The following RHPN2 variants were observed in gnomAD, a reference collection of about 807,000 sequenced individuals.
RHPN2 encodes the protein rhophilin-2.
RHPN2 carries 40 observed loss-of-function variants against 79.0 expected under a neutral mutation model. That is an observed-to-expected ratio of 0.51 (90% CI 0.39 to 0.66). RHPN2 has a LOEUF of 0.66. Ranked by LOEUF, RHPN2 falls within the 30% of genes least tolerant of loss-of-function variation. The pLI, the probability that RHPN2 is intolerant of heterozygous loss-of-function variation, is 0.00. For synonymous variants in RHPN2, 285 were observed against 363.5 expected (o/e 0.78, Z 2.46); for missense variants, 686 against 883.5 (o/e 0.78, Z 2.83).
At chr19:32,989,397 C>T (rs115781185) in intron 14 of RHPN2, among the ~76,000 whole-genome samples, 307 of 152,206 alleles carry the variant, frequency 2.0e-3, no homozygotes, top group African/African-American at 7.0e-3. Flanking sequence ...GCATGAGCAC[C>T]GTGCCTGGCC....
chr19:33,052,931 C>T (rs540836058), intron 1 of RHPN2, among the ~76,000 whole-genome samples: 7 of 152,220 alleles, frequency 4.6e-5, no homozygotes, highest in Non-Finnish European at 7.4e-5. Flanking sequence ...TCTATAAACC[C>T]CTACTGTGTG....
chr19:33,003,658 T>C (rs1203939051), intron 7 of RHPN2, among the ~76,000 whole-genome samples: 3 of 152,120 alleles, frequency 2.0e-5, no homozygotes, highest in African/African-American at 7.2e-5. Context: ...TAAAAAGGAA[T>C]GAAATTCTGA....
intron 1 of RHPN2, among the ~76,000 whole-genome samples, chr19:33,064,151 C>A (rs970141271): frequency 6.6e-6 from 1 of 151,910 alleles, no homozygotes; most frequent in African/African-American, 2.4e-5. Context: ...CGCGACCAGT[C>A]TGGGCAACAC....
chr19:33,037,429 G>T (rs550728811), intron 2 of RHPN2, among the ~76,000 whole-genome samples: 2 of 152,332 alleles, frequency 1.3e-5, no homozygotes, highest in African/African-American at 4.8e-5. Context: ...TGAGCCAGCA[G>T]TAGCAACCTG....
intron 7 of RHPN2, among the ~76,000 whole-genome samples, chr19:33,005,899 T>C (rs1490737107): frequency 1.3e-5 from 2 of 152,142 alleles, no homozygotes; most frequent in East Asian, 3.8e-4. Context: ...TTTTAATTAA[T>C]TAATTATTTT....
rs189312502 is a variant in RHPN2, at chr19:33,060,304, C to T, written c.69+4480G>A. Among the ~76,000 whole-genome samples the T allele has an allele frequency of 5.9e-3, 895 of 152,204 alleles. 7 individuals carry two copies. The highest frequency in any genetic ancestry group is 0.014 in the Middle Eastern group (4 of 294). On this transcript the variant is annotated intron_variant, in intron 1 of 14. Coordinates refer to ENST00000254260, the MANE Select transcript of RHPN2 (RefSeq NM_033103.5). Reference sequence around the variant, plus strand: ...GGGACCATAGCTGGGTGCCACCACACCTGGCTAATAGGCAGGCATTTTGGA... The same window carrying T: ...GGGACCATAGCTGGGTGCCACCACATCTGGCTAATAGGCAGGCATTTTGGA...
intron 10 of RHPN2, among the ~76,000 whole-genome samples, chr19:32,997,472 T>C (rs866832467): frequency 6.5e-5 from 9 of 138,102 alleles, no homozygotes; most frequent in Non-Finnish European, 9.2e-5. Flanking sequence ...TGTCCTATGA[T>C]GGGTGACAGA....
chr19:33,017,029 C>T (rs1378263597), intron 4 of RHPN2, among the ~76,000 whole-genome samples: 2 of 152,146 alleles, frequency 1.3e-5, no homozygotes, highest in African/African-American at 4.8e-5. Context: ...CCAGTTGAAT[C>T]CTTAAAAATG....
At position 33,064,674 on chromosome 19, in the gene RHPN2, C is replaced by A. The variant is rs1254531223; in HGVS notation, c.69+110G>T. The A allele has an allele frequency of 2.5e-6, 3 of 1,179,240 alleles. No individual in the cohort carries two copies. In the Admixed American group the frequency reaches 7.2e-5, roughly 28 times the overall value. The allele number at this position is 1,179,240 out of a possible 1,614,324, so 73.0% of individuals were successfully genotyped here. ...GCGCCGGCCCAGTGCGCCCCCTCCC[C>A]CTCCCGGCCTAGTGGACCCCGACTG... On this transcript the variant is annotated intron_variant, in intron 1 of 14. Coordinates refer to ENST00000254260, the MANE Select transcript of RHPN2 (RefSeq NM_033103.5).
chr19:33,059,727 C>G (rs12461219), intron 1 of RHPN2, among the ~76,000 whole-genome samples: 62,674 of 151,992 alleles, frequency 0.41, 16,357 homozygotes, highest in African/African-American at 0.73. Context: ...GTCACACTGA[C>G]TTTTGTCCCC....
intron 10 of RHPN2, among the ~76,000 whole-genome samples, chr19:32,998,226 T>C (rs890858606): frequency 2.0e-5 from 3 of 152,158 alleles, no homozygotes; most frequent in African/African-American, 7.2e-5. Flanking sequence ...TGAGTGAATG[T>C]TTGTTAAATA....
Position 33,008,267 on chromosome 19 carries a change from T to TA in RHPN2, c.594-88dup. 6.0e-6 allele frequency: 7 copies of TA among 1,165,336 alleles called. No homozygotes were observed. The South Asian group carries it at 7.9e-5, about 13-fold the overall frequency. 72.2% of individuals were successfully genotyped at this position (1,165,336 alleles called of 1,614,324 possible). ...AAAAAATTCTTTTTTTTTTTTTTTT[T>TA]AAGAGTCAATATCTCACTCTGTTGC... On this transcript the variant is annotated intron_variant, in intron 6 of 14. Transcript: ENST00000254260.
rs769953577 is a variant in RHPN2, at chr19:32,990,494, A to G, written c.1800+20T>C. On this transcript the variant is annotated intron_variant, in intron 14 of 14. Coordinates refer to ENST00000254260, the MANE Select transcript of RHPN2 (RefSeq NM_033103.5). ...CACTCCACGCCACCACTGACTGCCC[A>G]GGGAGGTGTCAGCGCTCACCATGGA... 103 of 1,613,492 alleles carry G rather than the reference A, an allele frequency of 6.4e-5. No individual in the cohort carries two copies. Among genetic ancestry groups the G allele is most frequent in the Non-Finnish European group, 8.4e-5 (99 of 1,179,656 alleles).
At chr19:33,017,476 T>G (rs17316183) in intron 4 of RHPN2, among the ~76,000 whole-genome samples, 29,173 of 152,050 alleles carry the variant, frequency 0.19, 3,621 homozygotes, top group East Asian at 0.3. Flanking sequence ...TTTCTAGACA[T>G]GTGGATTGTT....
intron 9 of RHPN2, 51 bp downstream of exon 9, chr19:33,002,196 G>A (rs1316235546): frequency 6.3e-7 from 1 of 1,594,866 alleles, no homozygotes; most frequent in Non-Finnish European, 8.5e-7. Context: ...ATCGCCCCTG[G>A]GGCAGCTGGA....
At chr19:33,031,210 T>TATTCTATTCTA (rs151178499) in intron 2 of RHPN2, among the ~76,000 whole-genome samples, 7 of 145,026 alleles carry the variant, frequency 4.8e-5, no homozygotes, top group Non-Finnish European at 9.0e-5. Flanking sequence ...TATTCTATTC[T>TATTCTATTCTA]TTCTATTCTA....
chr19:33,018,825 G>A (rs1450866139), intron 4 of RHPN2, among the ~76,000 whole-genome samples: 2 of 151,540 alleles, frequency 1.3e-5, no homozygotes, highest in Non-Finnish European at 2.9e-5. Flanking sequence ...CGGGTGGATC[G>A]AGTTTGAGAC....
intron 11 of RHPN2, among the ~76,000 whole-genome samples, chr19:32,994,916 C>T (rs1466700018): frequency 6.6e-6 from 1 of 152,130 alleles, no homozygotes; most frequent in Non-Finnish European, 1.5e-5. Context: ...CACGCCACTG[C>T]ACTCCAGCCT....
intron 2 of RHPN2, among the ~76,000 whole-genome samples, chr19:33,030,750 A>G (rs1972004390): frequency 6.6e-6 from 1 of 152,122 alleles, no homozygotes; most frequent in African/African-American, 2.4e-5. Flanking sequence ...TTAAAACACA[A>G]TTATGTTTGC....
Sources: allele counts gnomAD v4.1 joint callset (sites outside exome capture counted in the v4.1 genomes callset), GRCh38; gene constraint gnomAD v4.1.1; transcripts MANE v1.5; gene names NCBI Gene and HGNC (gene_info 2026-07-23, HGNC 2026-07-21).